The following DYRK4 variants were observed in gnomAD, a reference collection of about 807,000 sequenced individuals.
The protein encoded by DYRK4 is dual specificity tyrosine phosphorylation regulated kinase 4.
In DYRK4, 64 loss-of-function variants were observed where a neutral mutation model predicts 68.3. The observed-to-expected ratio is 0.94, with a 90% CI of 0.77 to 1.15. The LOEUF is 1.15. DYRK4 is among the 50% of genes most tolerant of loss of function. The pLI, the probability that DYRK4 is intolerant of heterozygous loss-of-function variation, is 0.00. For synonymous variants in DYRK4, 274 were observed against 289.9 expected (o/e 0.95, Z 0.56); for missense variants, 740 against 764.7 (o/e 0.97, Z 0.38).
At position 4,604,944 on chromosome 12, in the gene DYRK4, G is replaced by A. The variant is rs764391501; in HGVS notation, c.1157G>A (p.Arg386Gln). The A allele has an allele frequency of 6.2e-7, 1 of 1,610,926 alleles. No homozygotes were observed. The highest frequency in any genetic ancestry group is 8.5e-7 in the Non-Finnish European group (1 of 1,178,428). Reference sequence around the variant, plus strand: ...ACGTACATCCAAAGCCGGTTCTACCGATCCCCAGAAGTGATCCTGGGCCAC... The same window carrying A: ...ACGTACATCCAAAGCCGGTTCTACCAATCCCCAGAAGTGATCCTGGGCCAC... ...VYTYIQSRFY[R>Q]SPEVILGHPY... Residue 386 changes from arginine (R) to glutamine (Q), a missense_variant, in exon 11 of 15, where the codon CGA becomes CAA. This residue lies in a region of DYRK4 where 614 missense variants were observed against 603.7 expected (regional missense o/e 1.02). Coordinates refer to ENST00000543431, the MANE Select transcript of DYRK4 (RefSeq NM_001394779.1).
At chr12:4,576,712 G>GA (rs1326790859) in intron 2 of DYRK4, among the ~76,000 whole-genome samples, 3 of 152,182 alleles carry the variant, frequency 2.0e-5, no homozygotes, top group East Asian at 3.8e-4. Flanking sequence ...CGTTCTAGTA[G>GA]GTGTGTAGTG....
intron 1 of DYRK4, 91 bp from the exon 2 acceptor site, chr12:4,567,864 A>G: frequency 8.8e-7 from 1 of 1,139,174 alleles, no homozygotes; most frequent in Non-Finnish European, 1.2e-6. Context: ...TTTTCTTCAA[A>G]CCTGCCTGCT....
chr12:4,567,249 T>C (rs1177349588), intron 1 of DYRK4: 5 of 152,362 alleles, frequency 3.3e-5, no homozygotes, highest in Admixed American at 6.5e-5. Context: ...AATATTTGCA[T>C]TGGTTCCTGT....
In DYRK4 at chr12:4,599,774, A is replaced by G; in HGVS notation, c.1112A>G (p.Tyr371Cys). The G allele has an allele frequency of 6.2e-7, 1 of 1,614,090 alleles. No homozygotes were observed. Among genetic ancestry groups the G allele is most frequent in the Non-Finnish European group, 8.5e-7 (1 of 1,179,946 alleles). Residue 371 changes from tyrosine to cysteine, a missense_variant, in exon 10 of 15, where the codon TAT becomes TGT. Around this residue, in one of 3 missense-constraint regions of DYRK4, gnomAD observed 614 missense variants for 603.7 expected, o/e 1.02. Transcript: ENST00000543431. ...VKVIDFGSSC[Y>C]EHQKVYTYIQ... ...GTCATTGACTTTGGATCAAGCTGTTATGAACACCAGAAAGGTGAGCCCCAT... is the reference window on the plus strand; with the variant it reads ...GTCATTGACTTTGGATCAAGCTGTTGTGAACACCAGAAAGGTGAGCCCCAT...
At position 4,613,772 on chromosome 12, in the gene DYRK4, C is replaced by G; in HGVS notation, c.*19C>G. 6.7e-7 allele frequency: 1 copy of G among 1,491,090 alleles called. No homozygotes were observed. The highest frequency in any genetic ancestry group is 9.0e-7 in the Non-Finnish European group (1 of 1,113,840). The allele number at this position is 1,491,090 out of a possible 1,614,324, so 92.4% of individuals were successfully genotyped here. ...TGTATGACCTTTGCTGAGGGTATGT[C>G]CTGCTCCTTTCCACCAGTGATTTGT... On this transcript the variant is annotated 3_prime_UTR_variant, in exon 15 of 15. Coordinates refer to ENST00000543431, the MANE Select transcript of DYRK4 (RefSeq NM_001394779.1). This position sits in a 1 kb window ranked among gnomAD's most constrained non-coding sequence, Gnocchi z 4.0.
intron 2 of DYRK4, chr12:4,572,945 C>T (rs1183452103): frequency 5.9e-5 from 14 of 238,954 alleles, no homozygotes; most frequent in Non-Finnish European, 7.4e-5. Flanking sequence ...GTCTCATCAG[C>T]ACTTCCTATA....
chr12:4,597,856 G>A (rs561797016), intron 8 of DYRK4, among the ~76,000 whole-genome samples: 1 of 151,966 alleles, frequency 6.6e-6, no homozygotes, highest in East Asian at 1.9e-4. Flanking sequence ...CCTGGCCAAC[G>A]TGGTGAAACC....
At chr12:4,606,795 G>A (rs1245333194) in intron 11 of DYRK4, among the ~76,000 whole-genome samples, 1 of 152,192 alleles carries the variant, frequency 6.6e-6, no homozygotes, top group African/African-American at 2.4e-5. Flanking sequence ...GGTGGGAACC[G>A]AGCAGCAAGG....
chr12:4,562,230 G>C lies in DYRK4; in HGVS notation c.-16G>C. ...CTCACAGCCTCCCGCAGCGGCGGGCGGTCAGCGCCGGCCTCATGCAGCTCC... is the reference window on the plus strand; with the variant it reads ...CTCACAGCCTCCCGCAGCGGCGGGCCGTCAGCGCCGGCCTCATGCAGCTCC... On this transcript the variant is annotated 5_prime_UTR_variant, in exon 1 of 15. Coordinates refer to ENST00000543431, the MANE Select transcript of DYRK4 (RefSeq NM_001394779.1). 2 of 1,525,232 alleles carry C rather than the reference G, an allele frequency of 1.3e-6. No homozygotes were observed. Among genetic ancestry groups the C allele is most frequent in the Non-Finnish European group, 8.8e-7 (1 of 1,141,730 alleles). The allele number at this position is 1,525,232 out of a possible 1,614,324, so 94.5% of individuals were successfully genotyped here. A position where few individuals can be genotyped will look rare whatever the true frequency, so the allele number is the denominator to read the frequency against.
intron 6 of DYRK4, among the ~76,000 whole-genome samples, chr12:4,593,606 C>A (rs1217326066): frequency 6.6e-6 from 1 of 152,178 alleles, no homozygotes; most frequent in Non-Finnish European, 1.5e-5. Flanking sequence ...TCACTGTAGA[C>A]CCTGGTGCAT....
chr12:4,599,158 C>G lies in DYRK4; in HGVS notation c.1036C>G (p.Leu346Val). ...GGTAGAGAAAATCATTCACTGTGAT[C>G]TCAAGCCCGTGAGTACCATCTCCGT... ...LSVEKIIHCDLKPENIVLYQK... is the reference protein window; with the variant it reads ...LSVEKIIHCDVKPENIVLYQK... Residue 346 changes from leucine (L) to valine (V), a missense_variant, in exon 9 of 15, where the codon CTC (leucine) becomes GTC (valine). Physicochemically the swap from Leu to Val is conservative, Grantham distance 32. Coordinates refer to ENST00000543431, the MANE Select transcript of DYRK4 (RefSeq NM_001394779.1). 1 of 1,613,836 alleles carries G rather than the reference C, an allele frequency of 6.2e-7. No individual in the cohort carries two copies. The highest frequency in any genetic ancestry group is 1.3e-5 in the African/African-American group (1 of 74,968).
intron 8 of DYRK4, among the ~76,000 whole-genome samples, chr12:4,597,565 C>A (rs12317865): frequency 0.027 from 4,043 of 152,324 alleles, 154 homozygotes; most frequent in African/African-American, 0.085. Flanking sequence ...CTCGGTCTGC[C>A]TTTCTTGGCC....
chr12:4,609,677 A>G (rs565088682), intron 12 of DYRK4, among the ~76,000 whole-genome samples: 16 of 152,356 alleles, frequency 1.1e-4, no homozygotes, highest in South Asian at 2.1e-4. Context: ...TGTTATTGAT[A>G]AGACTGTGAG....
intron 14 of DYRK4, 135 bp downstream of exon 14, chr12:4,612,853 C>A: frequency 1.1e-6 from 1 of 922,558 alleles, no homozygotes; most frequent in Non-Finnish European, 1.6e-6. Flanking sequence ...TTTTAATATT[C>A]TGTTTAATAT....
At position 4,596,257 on chromosome 12, in the gene DYRK4, G is replaced by A. The variant is rs751496925; in HGVS notation, c.736G>A (p.Ala246Thr). 8 of 1,614,184 alleles carry A rather than the reference G, an allele frequency of 5.0e-6. No individual in the cohort carries two copies. The highest frequency in any genetic ancestry group is 6.8e-6 in the Non-Finnish European group (8 of 1,180,044). Reference protein sequence around the residue: ...CLDHKNNELVALKIIRNKKRF... With the variant: ...CLDHKNNELVTLKIIRNKKRF... ...GGATCACAAAAACAATGAGCTGGTG[G>A]CCCTGAAAATCATCAGGAACAAGAA... is the stretch of plus-strand genomic sequence containing the variant. Residue 246 changes from alanine to threonine, a missense_variant, in exon 7 of 15, where the codon GCC becomes ACC. Transcript: ENST00000543431.
chr12:4,562,791 C>A (rs1944641227), intron 1 of DYRK4, among the ~76,000 whole-genome samples: 2 of 152,250 alleles, frequency 1.3e-5, no homozygotes, highest in Admixed American at 1.3e-4. Context: ...TCAACCAGGG[C>A]CCAGCCCCTG....
intron 3 of DYRK4, among the ~76,000 whole-genome samples, chr12:4,589,241 G>A (rs1217426681): frequency 1.3e-5 from 2 of 152,130 alleles, no homozygotes; most frequent in Non-Finnish European, 2.9e-5. Context: ...TGGGTATATA[G>A]TAGGTACATA....
chr12:4,590,095 G>A (rs544080877), intron 3 of DYRK4: 1 of 1,240,962 alleles, frequency 8.1e-7, no homozygotes, highest in Admixed American at 4.1e-5. Context: ...GCTGTTGAAA[G>A]CCTGCAGCTA....
intron 4 of DYRK4, 179 bp downstream of exon 4, chr12:4,590,619 C>T: frequency 7.8e-7 from 1 of 1,286,876 alleles, no homozygotes; most frequent in Non-Finnish European, 9.9e-7. Flanking sequence ...AGTCCTTGAC[C>T]TTTTCTTAGC....
Sources: gnomAD v4.1 joint callset for allele counts (sites outside exome capture counted in the v4.1 genomes callset) on GRCh38, gnomAD v4.1.1 for gene constraint, gnomAD v4.1.1 regional missense constraint, Gnocchi (gnomAD v3.1) non-coding constraint, MANE v1.5 for transcripts, NCBI Gene and HGNC (gene_info 2026-07-23, HGNC 2026-07-21) for gene names.